Variants in FADS2 observed in about 807,000 individuals in gnomAD.
FADS2 encodes the protein acyl-CoA 6-desaturase.
In FADS2, 18 loss-of-function variants were observed where a neutral mutation model predicts 61.2. The ratio of observed to expected loss-of-function variants is 0.29; its 90% CI spans 0.20 to 0.44. FADS2 has a LOEUF of 0.44. Ranked by LOEUF, FADS2 falls within the 20% of genes least tolerant of loss-of-function variation. The pLI, the probability that FADS2 is intolerant of heterozygous loss-of-function variation, is 1.00. For synonymous variants in FADS2, 203 were observed against 223.9 expected, an observed-to-expected ratio of 0.91 and a Z score of 0.83; for missense variants, 322 against 572.7, an observed-to-expected ratio of 0.56 and a Z score of 4.47.
At chr11:61,822,479 A>T (rs2067042809) in intron 1 of FADS2, among the ~76,000 whole-genome samples, 1 of 152,174 alleles carries the variant, frequency 6.6e-6, no homozygotes, top group Admixed American at 6.6e-5. Context: ...ATGTTTTGGT[A>T]TAAGGCCACC....
chr11:61,833,233 C>A (rs2135956373), intron 1 of FADS2, among the ~76,000 whole-genome samples: 1 of 152,344 alleles, frequency 6.6e-6, no homozygotes, highest in South Asian at 2.1e-4. Flanking sequence ...GGTCCTCTTC[C>A]TGGAAAGTCT....
chr11:61,867,083 T>C lies in FADS2; in HGVS notation c.*1394T>C, dbSNP rs2067478141. 1 of 152,254 alleles carries C rather than the reference T, an allele frequency of 6.6e-6. No individual in the cohort carries two copies. Among genetic ancestry groups the C allele is most frequent in the Non-Finnish European group, 1.5e-5 (1 of 68,032 alleles). 9.4% of individuals were successfully genotyped at this position (152,254 alleles called of 1,614,324 possible). A position where few individuals can be genotyped will look rare whatever the true frequency, so the allele number is the denominator to read the frequency against. ...GAGCTGCTGTTGCAGTCTAACCCAC[T>C]AATCAGTTCTTAGATTCAGGGGAAG... On this transcript the variant is annotated 3_prime_UTR_variant, in exon 12 of 12. Transcript: ENST00000278840.
intron 4 of FADS2, among the ~76,000 whole-genome samples, chr11:61,844,920 G>A (rs1388340515): frequency 4.9e-5 from 7 of 143,528 alleles, no homozygotes; most frequent in Admixed American, 1.4e-4. Context: ...GGAAGACTCC[G>A]TCTCAAAAAA....
intron 1 of FADS2, among the ~76,000 whole-genome samples, chr11:61,830,769 C>G (rs886996596): frequency 6.6e-6 from 1 of 152,168 alleles, no homozygotes; most frequent in Non-Finnish European, 1.5e-5. Flanking sequence ...ATAAGGTACA[C>G]CTGTACCTGT....
chr11:61,864,516 C>T (rs889639582), intron 10 of FADS2, among the ~76,000 whole-genome samples: 3 of 152,208 alleles, frequency 2.0e-5, no homozygotes, highest in African/African-American at 7.2e-5. Context: ...GCCTCAGCCT[C>T]CCACGTAGCT....
In FADS2 at chr11:61,865,062, C is replaced by A; in HGVS notation, c.1158-90C>A. Reference sequence around the variant, plus strand: ...GCTGTGGACAGGGTCTCTGAGGGCCCCAGCCAGCCTCTGCCCAGGTGGTGG... The same window carrying A: ...GCTGTGGACAGGGTCTCTGAGGGCCACAGCCAGCCTCTGCCCAGGTGGTGG... On this transcript the variant is annotated intron_variant, in intron 10 of 11. Transcript: ENST00000278840. This position sits in a 1 kb window ranked among gnomAD's most constrained non-coding sequence, Gnocchi z 4.1. 1 of 1,493,258 alleles carries A rather than the reference C, an allele frequency of 6.7e-7. No individual in the cohort carries two copies. Among genetic ancestry groups the A allele is most frequent in the Non-Finnish European group, 9.1e-7 (1 of 1,103,336 alleles). 92.5% of individuals were successfully genotyped at this position (1,493,258 alleles called of 1,614,324 possible).
intron 1 of FADS2, among the ~76,000 whole-genome samples, chr11:61,819,547 A>G (rs548141451): frequency 3.3e-5 from 5 of 152,356 alleles, no homozygotes; most frequent in African/African-American, 9.6e-5. Flanking sequence ...TTCTATATCC[A>G]CACACAAAAA....
At chr11:61,857,897 C>A (rs2067376941) in intron 7 of FADS2, among the ~76,000 whole-genome samples, 1 of 152,216 alleles carries the variant, frequency 6.6e-6, no homozygotes, top group African/African-American at 2.4e-5. Flanking sequence ...GAAGTTGGAG[C>A]AGCTGGGCGT....
At chr11:61,834,942 G>A (rs1285393936) in intron 1 of FADS2, among the ~76,000 whole-genome samples, 1 of 151,498 alleles carries the variant, frequency 6.6e-6, no homozygotes, top group Non-Finnish European at 1.5e-5. Flanking sequence ...TGCAACCCTG[G>A]GCTCCTCCCT....
chr11:61,862,852 A>G, intron 7 of FADS2, 120 bp from the exon 8 acceptor site: 4 of 770,676 alleles, frequency 5.2e-6, no homozygotes, highest in South Asian at 1.6e-5. Context: ...ATTGCATTTC[A>G]GTGGGCTGCG....
At chr11:61,851,593 G>A (rs2067307637) in intron 5 of FADS2, among the ~76,000 whole-genome samples, 1 of 152,244 alleles carries the variant, frequency 6.6e-6, no homozygotes, top group South Asian at 2.1e-4. Flanking sequence ...CTTGACTGAA[G>A]TGACAGTGGG....
At chr11:61,818,018 G>A (rs2067002194) in intron 1 of FADS2, among the ~76,000 whole-genome samples, 1 of 152,114 alleles carries the variant, frequency 6.6e-6, no homozygotes, top group African/African-American at 2.4e-5. Flanking sequence ...TTTGACCCTG[G>A]CCTGTGCTCT....
At position 61,862,960 on chromosome 11, in the gene FADS2, C is replaced by T. The variant is rs1195439733; in HGVS notation, c.883-12C>T. ...GAGGGCAGGTTGCACCTAACTTCAT[C>T]TTTCCCCGCAGGACCTGGCCTGGGC... On this transcript the variant is annotated splice_polypyrimidine_tract_variant and intron_variant, in intron 7 of 11. Coordinates refer to ENST00000278840, the MANE Select transcript of FADS2 (RefSeq NM_004265.4). 1 of 1,612,906 alleles carries T rather than the reference C, an allele frequency of 6.2e-7. No homozygotes were observed. The highest frequency in any genetic ancestry group is 8.5e-7 in the Non-Finnish European group (1 of 1,178,846).
upstream of FADS2, chr11:61,825,998 T>C (rs933776121): frequency 2.9e-6 from 2 of 690,140 alleles, no homozygotes; most frequent in East Asian, 5.4e-5. Flanking sequence ...CCTCGAGCAC[T>C]GCCCTCATCT....
intron 1 of FADS2, among the ~76,000 whole-genome samples, chr11:61,822,000 C>A (rs1236530338): frequency 2.7e-5 from 4 of 150,622 alleles, no homozygotes; most frequent in Non-Finnish European, 4.4e-5. Context: ...GACAGAGTCT[C>A]GCTCTGTCAC....
intron 5 of FADS2, chr11:61,849,718 A>G (rs1302886557): frequency 1.3e-5 from 2 of 152,192 alleles, no homozygotes; most frequent in African/African-American, 4.8e-5. Flanking sequence ...AAACATGCAT[A>G]TATCTGTTTC....
intron 7 of FADS2, among the ~76,000 whole-genome samples, chr11:61,861,366 A>AC (rs2067414644): frequency 8.9e-6 from 1 of 112,910 alleles, no homozygotes; most frequent in Non-Finnish European, 1.9e-5. Flanking sequence ...AAAAAAAAAA[A>AC]AAAAACAGAA....
intron 1 of FADS2, among the ~76,000 whole-genome samples, chr11:61,820,505 T>G (rs555293371): frequency 2.3e-4 from 35 of 152,334 alleles, no homozygotes; most frequent in Non-Finnish European, 3.4e-4. Context: ...GCTACCTCCC[T>G]AACGAGCTTA....
chr11:61,833,198 A>G (rs1055857827), intron 1 of FADS2, among the ~76,000 whole-genome samples: 1 of 152,114 alleles, frequency 6.6e-6, no homozygotes, highest in Non-Finnish European at 1.5e-5. Context: ...CCTGTTTACC[A>G]ATCCTTTCTC....
Sources: gnomAD v4.1 joint callset for allele counts (sites outside exome capture counted in the v4.1 genomes callset) on GRCh38, gnomAD v4.1.1 for gene constraint, Gnocchi (gnomAD v3.1) non-coding constraint, MANE v1.5 for transcripts, NCBI Gene and HGNC (gene_info 2026-07-23, HGNC 2026-07-21) for gene names.